The following FAM83G variants were observed in gnomAD, a reference collection of about 807,000 sequenced individuals.
The protein encoded by FAM83G is protein FAM83G.
Under a neutral mutation model 61.5 loss-of-function variants are expected in FAM83G, and 38 were observed. The observed-to-expected ratio is 0.62, with a 90% CI of 0.48 to 0.81. FAM83G has a LOEUF of 0.81. Ranked by LOEUF, FAM83G falls within the 30% of genes least tolerant of loss-of-function variation. FAM83G has a pLI of 0.00. For missense variants in FAM83G, 989 were observed against 1,133.6 expected, an observed-to-expected ratio of 0.87 and a Z score of 1.83; for synonymous variants, 470 against 476.1, an observed-to-expected ratio of 0.99 and a Z score of 0.17.
At chr17:18,994,551 GA>G (rs2043515402) in intron 2 of FAM83G, among the ~76,000 whole-genome samples, 2 of 152,174 alleles carry the variant, frequency 1.3e-5, no homozygotes, top group Non-Finnish European at 2.9e-5. Context: ...GGAACCACTG[GA>G]AAGGGGAGGC....
In FAM83G at chr17:19,000,497, CA is replaced by C. The variant is rs570447333; in HGVS notation, c.522+3022del. Among the ~76,000 whole-genome samples, 8 of 152,272 alleles carry C rather than the reference CA, an allele frequency of 5.3e-5. No homozygotes were observed. Among genetic ancestry groups the C allele is most frequent in the African/African-American group, 1.7e-4 (7 of 41,552 alleles). ...TAGTTCCATTCTAGTCATTTGGGAA[CA>C]GGGGGGACTGACAGCAGTCCTGACA... On this transcript the variant is annotated intron_variant, in intron 2 of 5. Transcript: ENST00000388995. The surrounding 1 kb of genome is among the most constrained non-coding windows in gnomAD (Gnocchi z 5.2).
chr17:19,003,847 C>G lies in FAM83G; in HGVS notation c.195G>C (p.Lys65Asn), dbSNP rs772153153. 3.1e-6 allele frequency: 5 copies of G among 1,612,944 alleles called. No individual in the cohort carries two copies. The African/African-American group carries it at 5.3e-5, about 17-fold the overall frequency. The change falls in exon 2 of 6, where the codon AAG (lysine) becomes AAC (asparagine). Residue 65 changes from lysine to asparagine, a missense_variant. Lys to Asn is a moderately conservative substitution (Grantham distance 94). This residue lies in a region of FAM83G where 371 missense variants were observed against 404.5 expected (regional missense o/e 0.92). Coordinates refer to ENST00000388995, the MANE Select transcript of FAM83G (RefSeq NM_001039999.3). This position sits in a 1 kb window ranked among gnomAD's most constrained non-coding sequence, Gnocchi z 4.5. ...ACACCTCGATGGTCTCCAGGATGCG[C>G]TTGAGCTCCAGCTCCGAGAGGAAGT... Reference protein sequence around the residue: ...IRDFLSELELKRILETIEVYD... With the variant: ...IRDFLSELELNRILETIEVYD...
At position 18,976,655 on chromosome 17, in the gene FAM83G, G is replaced by A. The variant is rs1214342880; in HGVS notation, c.2082+929C>T. On this transcript the variant is annotated intron_variant, in intron 5 of 5. Transcript: ENST00000388995. ...TGGGAATGAGTGTACCTCGGCTCTC[G>A]CTGCTTGGCCTGCTGAAGTGAGCTC... 9 of 638,108 alleles carry A rather than the reference G, an allele frequency of 1.4e-5. 1 individual carries two copies. Among genetic ancestry groups the A allele is most frequent in the South Asian group, 4.4e-5 (2 of 45,104 alleles). 39.5% of individuals were successfully genotyped at this position (638,108 alleles called of 1,614,324 possible). A position where few individuals can be genotyped will look rare whatever the true frequency, so the allele number is the denominator to read the frequency against.
In FAM83G at chr17:18,977,865, C is replaced by T. The variant is rs746904439; in HGVS notation, c.1801G>A (p.Gly601Ser). ...SDQDSHSGSS[G>S]RGPGPRRPSV... ...GGCCGTCGGGGGCCAGGGCCACGGC[C>T]GGAGCTGCCTGAGTGGCTGTCCTGG... The change falls in exon 5 of 6, where the codon GGC (glycine) becomes AGC (serine). Residue 601 changes from glycine (G) to serine (S), a missense_variant. Coordinates refer to ENST00000388995, the MANE Select transcript of FAM83G (RefSeq NM_001039999.3). 3.5e-5 allele frequency: 57 copies of T among 1,610,914 alleles called. No homozygotes were observed. The highest frequency in any genetic ancestry group is 2.3e-4 in the African/African-American group (17 of 74,932).
At position 18,969,366 on chromosome 17, in the gene FAM83G, C is replaced by G; in HGVS notation, c.*1993G>C. The G allele has an allele frequency of 6.2e-7, 1 of 1,613,658 alleles. No individual in the cohort carries two copies. Among genetic ancestry groups the G allele is most frequent in the Non-Finnish European group, 8.5e-7 (1 of 1,180,014 alleles). ...GGGGGCCTGGCTGCTGTAATCTACA[C>G]GGACGCCCTGCAGACGCTCATCATG... On this transcript the variant is annotated 3_prime_UTR_variant, in exon 6 of 6. Coordinates refer to ENST00000388995, the MANE Select transcript of FAM83G (RefSeq NM_001039999.3).
intron 2 of FAM83G, among the ~76,000 whole-genome samples, chr17:18,997,308 G>A (rs1420877974): frequency 5.9e-5 from 9 of 152,236 alleles, no homozygotes; most frequent in Non-Finnish European, 8.8e-5. Flanking sequence ...ACAAGGGGCT[G>A]GCAGAGCTTG....
chr17:18,969,360 T>A lies in FAM83G; in HGVS notation c.*1999A>T. ...CTGGCAGGGGGCCTGGCTGCTGTAA[T>A]CTACACGGACGCCCTGCAGACGCTC... On this transcript the variant is annotated 3_prime_UTR_variant, in exon 6 of 6. Transcript: ENST00000388995. 6.2e-7 allele frequency: 1 copy of A among 1,613,608 alleles called. No individual in the cohort carries two copies. Among genetic ancestry groups the A allele is most frequent in the Non-Finnish European group, 8.5e-7 (1 of 1,180,004 alleles).
chr17:18,984,215 C>G (rs532658060), intron 3 of FAM83G, among the ~76,000 whole-genome samples: 86 of 151,854 alleles, frequency 5.7e-4, no homozygotes, highest in African/African-American at 1.0e-3. Context: ...GGTGGCGGGC[C>G]CCTGTAGTCC....
At chr17:18,993,964 T>TC (rs2043498284) in intron 2 of FAM83G, among the ~76,000 whole-genome samples, 1 of 152,156 alleles carries the variant, frequency 6.6e-6, no homozygotes, top group African/African-American at 2.4e-5. Flanking sequence ...CTCCTCGTCC[T>TC]CCCACCAACC....
chr17:18,992,777 C>T (rs1040616726), intron 2 of FAM83G, among the ~76,000 whole-genome samples: 4 of 152,162 alleles, frequency 2.6e-5, no homozygotes, highest in Non-Finnish European at 5.9e-5. Context: ...GCCGAGGGAC[C>T]CCAACTCCTG....
intron 5 of FAM83G, chr17:18,976,413 G>A: frequency 6.4e-6 from 1 of 156,740 alleles, no homozygotes; most frequent in Non-Finnish European, 1.4e-5. Flanking sequence ...TAAAGCACCT[G>A]AACTCTGCCA....
chr17:18,970,620 C>T lies in FAM83G; in HGVS notation c.*739G>A, dbSNP rs2042818519. On this transcript the variant is annotated 3_prime_UTR_variant, in exon 6 of 6. Transcript: ENST00000388995. ...TGATCAGGATGAACACTTTAGAAGC[C>T]TCAGGAAGGTCCTCAAATGTCAAGA... 1 of 272,934 alleles carries T rather than the reference C, an allele frequency of 3.7e-6. No homozygotes were observed. The highest frequency in any genetic ancestry group is 2.2e-5 in the African/African-American group (1 of 45,474). The allele number at this position is 272,934 out of a possible 1,614,324, so 16.9% of individuals were successfully genotyped here.
chr17:18,977,935 A>G lies in FAM83G; in HGVS notation c.1731T>C (p.Asp577=). The change falls in exon 5 of 6, where the codon GAT becomes GAC. Residue 577 remains aspartate, a synonymous_variant. Transcript: ENST00000388995. ...CGTCATCATCTTCTTCTTCCACCCCATCCAGCCCATTGGGGAGCCCCACCC... is the reference window on the plus strand; with the variant it reads ...CGTCATCATCTTCTTCTTCCACCCCGTCCAGCCCATTGGGGAGCCCCACCC... The part of the protein sequence containing the change: ...SLGVGLPNGL[D]GVEEEDDDDY... 2 of 1,607,470 alleles carry G rather than the reference A, an allele frequency of 1.2e-6. No individual in the cohort carries two copies. The highest frequency in any genetic ancestry group is 1.7e-5 in the Admixed American group (1 of 59,612).
Position 18,988,554 on chromosome 17 carries a change from C to G in FAM83G, c.523-140G>C. The stretch of plus-strand genomic sequence containing the variant: ...GGCCCTACTCCTGGAGCCTCAGGCC[C>G]GGGACCAGGAAGTGAGGGGCCAGGG... On this transcript the variant is annotated intron_variant, in intron 2 of 5. Coordinates refer to ENST00000388995, the MANE Select transcript of FAM83G (RefSeq NM_001039999.3). The G allele has an allele frequency of 2.8e-6, 4 of 1,406,060 alleles. No homozygotes were observed. The Admixed American group carries it at 9.5e-5, about 33-fold the overall frequency. 87.1% of individuals were successfully genotyped at this position (1,406,060 alleles called of 1,614,324 possible).
At chr17:18,979,460 C>T (rs1033121559) in intron 4 of FAM83G, 89 bp downstream of exon 4, 57 of 1,501,220 alleles carry the variant, frequency 3.8e-5, no homozygotes, top group Middle Eastern at 3.8e-4. Flanking sequence ...ACCAATGAAC[C>T]GGAATAACCA....
In FAM83G at chr17:18,978,228, G is replaced by A. The variant is rs1463354115; in HGVS notation, c.1438C>T (p.Pro480Ser). Residue 480 changes from proline to serine, a missense_variant, in exon 5 of 6, where the codon CCC becomes TCC. Physicochemically the swap from Pro to Ser is moderately conservative, Grantham distance 74. This residue lies in a region of FAM83G where 574 missense variants were observed against 645.1 expected (regional missense o/e 0.89). Coordinates refer to ENST00000388995, the MANE Select transcript of FAM83G (RefSeq NM_001039999.3). ...GGGACACCGTCCTGGGGGGCACTGG[G>A]CTCTGGGGGAGGGCAAGGCTCTGGA... ...PRPEPCPPPE[P>S]SAPQDGVPAE... is the part of the protein sequence containing the mutation. 2 of 1,585,706 alleles carry A rather than the reference G, an allele frequency of 1.3e-6. No homozygotes were observed. Among genetic ancestry groups the A allele is most frequent in the Admixed American group, 3.4e-5 (2 of 58,760 alleles).
chr17:18,968,935 C>A lies in FAM83G; in HGVS notation c.*2424G>T. The A allele has an allele frequency of 1.2e-6, 1 of 843,938 alleles. No homozygotes were observed. Among genetic ancestry groups the A allele is most frequent in the Non-Finnish European group, 1.8e-6 (1 of 560,484 alleles). 52.3% of individuals were successfully genotyped at this position (843,938 alleles called of 1,614,324 possible). On this transcript the variant is annotated 3_prime_UTR_variant, in exon 6 of 6. Coordinates refer to ENST00000388995, the MANE Select transcript of FAM83G (RefSeq NM_001039999.3). This position sits in a 1 kb window ranked among gnomAD's most constrained non-coding sequence, Gnocchi z 4.1. The stretch of plus-strand genomic sequence containing the variant: ...AGGCAGGCAGGCGAGTGGGGGTCTC[C>A]CCTCCTTATCCACAGGCCACCGAGG...
chr17:18,990,895 T>C (rs2043405043), intron 2 of FAM83G, among the ~76,000 whole-genome samples: 2 of 152,166 alleles, frequency 1.3e-5, no homozygotes, highest in Admixed American at 6.5e-5. Flanking sequence ...TCCCATTTTA[T>C]AGACAGGAAA....
rs551494735 is a variant in FAM83G at position 18,993,781 on chromosome 17, A to G, written c.523-5367T>C. Reference sequence around the variant, plus strand: ...CAGACAGTGGCAGTGTGGGCTCTGCACCCGCTGGCTCCGATCTCAGCTCCT... The same window carrying G: ...CAGACAGTGGCAGTGTGGGCTCTGCGCCCGCTGGCTCCGATCTCAGCTCCT... On this transcript the variant is annotated intron_variant, in intron 2 of 5. Coordinates refer to ENST00000388995, the MANE Select transcript of FAM83G (RefSeq NM_001039999.3). Among the ~76,000 whole-genome samples the G allele has an allele frequency of 1.6e-4, 24 of 152,272 alleles. No homozygotes were observed. In the East Asian group the frequency reaches 3.7e-3, roughly 23 times the overall value.
Sources: allele counts gnomAD v4.1 joint callset (sites outside exome capture counted in the v4.1 genomes callset), GRCh38; gene constraint gnomAD v4.1.1; regional missense constraint gnomAD v4.1.1; non-coding constraint Gnocchi (gnomAD v3.1); transcripts MANE v1.5; gene names NCBI Gene and HGNC (gene_info 2026-07-23, HGNC 2026-07-21).